Variants in NRDC observed in about 807,000 individuals in gnomAD.
NRDC encodes the protein nardilysin convertase, also known as nardilysin.
NRDC carries 54 observed loss-of-function variants against 147.1 expected under a neutral mutation model. The observed-to-expected ratio is 0.37, with a 90% CI of 0.29 to 0.46. NRDC has a LOEUF of 0.46. Ranked by LOEUF, NRDC falls within the 20% of genes least tolerant of loss-of-function variation. The probability of loss-of-function intolerance (pLI) is 1.00; values close to 1 mark genes in which losing one functional copy is unlikely to be tolerated. For missense variants in NRDC, 1,082 were observed against 1,370.6 expected, an observed-to-expected ratio of 0.79 and a Z score of 3.33; for synonymous variants, 440 against 482.1, an observed-to-expected ratio of 0.91 and a Z score of 1.14.
intron 4 of NRDC, among the ~76,000 whole-genome samples, chr1:51,828,873 CA>C: frequency 6.6e-6 from 1 of 152,108 alleles, no homozygotes; most frequent in East Asian, 1.9e-4. Context: ...TGTGCACTAC[CA>C]TTTTTTTTTA....
intron 1 of NRDC, among the ~76,000 whole-genome samples, chr1:51,871,504 C>T (rs1215960239): frequency 7.3e-6 from 1 of 136,304 alleles, no homozygotes; most frequent in Non-Finnish European, 1.5e-5. Flanking sequence ...AATTCTCCTC[C>T]ACTGGTTCAT....
chr1:51,803,379 G>A (rs1253584463), intron 20 of NRDC, among the ~76,000 whole-genome samples: 1 of 151,678 alleles, frequency 6.6e-6, no homozygotes, highest in Non-Finnish European at 1.5e-5. Context: ...GCAGGCTGAG[G>A]CATGAGAACT....
At position 51,806,879 on chromosome 1, in the gene NRDC, C is replaced by T. The variant is rs757343623; in HGVS notation, c.2025G>A (p.Pro675=). 50 of 1,613,498 alleles carry T rather than the reference C, an allele frequency of 3.1e-5. No homozygotes were observed. Among genetic ancestry groups the T allele is most frequent in the Admixed American group, 2.0e-4 (12 of 59,960 alleles). The change falls in exon 18 of 31, where the codon CCG becomes CCA. Residue 675 remains proline (P), a synonymous_variant. Coordinates refer to ENST00000352171, the MANE Select transcript of NRDC (RefSeq NM_001101662.2). ...TDFTLKAFDC[P]ETEYPVKIVN... Reference sequence around the variant, plus strand: ...CAATTTTAACTGGGTATTCTGTTTCCGGGCAATCGAAAGCCTTCAACGTAA... The same window carrying T: ...CAATTTTAACTGGGTATTCTGTTTCTGGGCAATCGAAAGCCTTCAACGTAA...
At chr1:51,795,248 A>AT in intron 22 of NRDC, 1 of 1,262,188 alleles carries the variant, frequency 7.9e-7, no homozygotes, top group African/African-American at 1.5e-5. Context: ...TACTGAGTGA[A>AT]TACATCCTCT....
intron 26 of NRDC, 132 bp downstream of exon 26, chr1:51,791,914 G>T: frequency 1.1e-6 from 1 of 935,830 alleles, no homozygotes; most frequent in South Asian, 1.6e-5. Context: ...CCAAAAGTTT[G>T]GATGACTAAA....
At chr1:51,806,692 A>C in intron 18 of NRDC, 102 bp downstream of exon 18, 1 of 1,286,046 alleles carries the variant, frequency 7.8e-7, no homozygotes, top group South Asian at 1.4e-5. Context: ...CCTCCTCCAC[A>C]AAGGAAGATC....
At chr1:51,819,405 T>C (rs192869818) in intron 9 of NRDC, among the ~76,000 whole-genome samples, 23 of 152,348 alleles carry the variant, frequency 1.5e-4, no homozygotes, top group Non-Finnish European at 2.9e-5. Context: ...TTAGCAAATA[T>C]TACTTTCACA....
intron 14 of NRDC, among the ~76,000 whole-genome samples, chr1:51,812,617 T>G (rs1679780517): frequency 6.6e-6 from 1 of 152,146 alleles, no homozygotes; most frequent in Non-Finnish European, 1.5e-5. Flanking sequence ...CTGAGCCCTA[T>G]AACCCATTAG....
chr1:51,816,973 A>G (rs1366342481), intron 10 of NRDC, among the ~76,000 whole-genome samples: 1 of 152,244 alleles, frequency 6.6e-6, no homozygotes, highest in Non-Finnish European at 1.5e-5. Context: ...TCACATACTA[A>G]TAATGTAATA....
rs763992841 is a variant in NRDC at position 51,840,397 on chromosome 1, T to A, written c.459A>T (p.Glu153Asp). The A allele has an allele frequency of 5.1e-6, 8 of 1,567,880 alleles. No individual in the cohort carries two copies. The highest frequency in any genetic ancestry group is 4.0e-5 in the African/African-American group (3 of 74,180). ...DEEEEEVEEE[E>D]EDDDEDSGAE... ...CTCCAGAATCTTCATCATCATCTTC[T>A]TCTTCTTCCTCCACCTCCTCTTCTT... Residue 153 changes from glutamate to aspartate, a missense_variant, in exon 2 of 31, where the codon GAA becomes GAT. Transcript: ENST00000352171.
At chr1:51,868,475 A>G (rs1438837873) in intron 1 of NRDC, among the ~76,000 whole-genome samples, 5 of 152,236 alleles carry the variant, frequency 3.3e-5, no homozygotes, top group Admixed American at 3.3e-4. Context: ...AGTTTGTTAG[A>G]AGGAATAAAA....
intron 5 of NRDC, among the ~76,000 whole-genome samples, chr1:51,826,389 A>T (rs1328118100): frequency 6.6e-6 from 1 of 152,232 alleles, no homozygotes; most frequent in Non-Finnish European, 1.5e-5. Flanking sequence ...TGCAACTGAT[A>T]AAAATAGAGT....
rs1423943949 is a variant in NRDC at position 51,814,822 on chromosome 1, G to A, written c.1440-9C>T. 2.6e-6 allele frequency: 4 copies of A among 1,563,968 alleles called. No individual in the cohort carries two copies. Among genetic ancestry groups the A allele is most frequent in the Non-Finnish European group, 2.6e-6 (3 of 1,160,696 alleles). On this transcript the variant is annotated splice_polypyrimidine_tract_variant and intron_variant, in intron 11 of 30. Transcript: ENST00000352171. ...GTGCAAGAGCCCAGCATCTACAGGT[G>A]GGGAAAAAATTAACCCAATCAATGT...
At chr1:51,809,868 G>A (rs1679633148) in intron 16 of NRDC, among the ~76,000 whole-genome samples, 1 of 151,186 alleles carries the variant, frequency 6.6e-6, no homozygotes, top group Non-Finnish European at 1.5e-5. Context: ...TCGCACCACT[G>A]CACTCCAGCC....
Position 51,818,107 on chromosome 1 carries a change from C to A in NRDC, c.1320G>T (p.Leu440=). 1 of 1,606,068 alleles carries A rather than the reference C, an allele frequency of 6.2e-7. No individual in the cohort carries two copies. The highest frequency in any genetic ancestry group is 1.1e-5 in the South Asian group (1 of 89,562). Residue 440 remains leucine (L), a synonymous_variant, in exon 10 of 31, where the codon CTG becomes CTT. Coordinates refer to ENST00000352171, the MANE Select transcript of NRDC (RefSeq NM_001101662.2). The part of the protein sequence containing the change: ...RVVPIRKIHA[L]TITWALPPQQ... The stretch of plus-strand genomic sequence containing the variant: ...GAGGAGGAAGTGCCCATGTGATGGT[C>A]AGAGCATGAATTTTTCTGATTGGAA...
At position 51,830,766 on chromosome 1, in the gene NRDC, C is replaced by T. The variant is rs540550582; in HGVS notation, c.867-2897G>A. Among the ~76,000 whole-genome samples, 14 of 152,278 alleles carry T rather than the reference C, an allele frequency of 9.2e-5. No individual in the cohort carries two copies. In the East Asian group the frequency reaches 1.7e-3, roughly 19 times the overall value. On this transcript the variant is annotated intron_variant, in intron 4 of 30. Transcript: ENST00000352171. ...GTTCAAATTTACTGAAAATAGAAGA[C>T]GCCACCATGGTAAAGACGGCTTCCA...
intron 1 of NRDC, among the ~76,000 whole-genome samples, chr1:51,849,685 T>G (rs1681841275): frequency 6.7e-6 from 1 of 148,818 alleles, no homozygotes; most frequent in Admixed American, 6.7e-5. Context: ...GCATGGTGGC[T>G]GGCACCTGTA....
chr1:51,808,310 C>T (rs1478480465), intron 17 of NRDC, among the ~76,000 whole-genome samples: 1 of 152,156 alleles, frequency 6.6e-6, no homozygotes, highest in East Asian at 1.9e-4. Context: ...TACCCACTCA[C>T]CTCAGCCCCT....
chr1:51,853,464 C>T (rs1445091102), intron 1 of NRDC, among the ~76,000 whole-genome samples: 1 of 152,204 alleles, frequency 6.6e-6, no homozygotes, highest in Non-Finnish European at 1.5e-5. Context: ...AACAAGTCCA[C>T]ATACTCACTT....
Sources: allele counts gnomAD v4.1 joint callset (sites outside exome capture counted in the v4.1 genomes callset), GRCh38; gene constraint gnomAD v4.1.1; transcripts MANE v1.5; gene names NCBI Gene and HGNC (gene_info 2026-07-23, HGNC 2026-07-21).